Variants in PTPN22 observed in about 807,000 individuals in gnomAD.
PTPN22 encodes tyrosine-protein phosphatase non-receptor type 22.
In PTPN22, 85 loss-of-function variants were observed where a neutral mutation model predicts 103.3. The ratio of observed to expected loss-of-function variants is 0.82; its 90% CI spans 0.69 to 0.99. The LOEUF is 0.99. PTPN22 is among the 50% of genes least tolerant of loss of function. The pLI, the probability that PTPN22 is intolerant of heterozygous loss-of-function variation, is 0.00. For synonymous variants in PTPN22, 323 were observed against 310.2 expected (o/e 1.04, Z -0.43); for missense variants, 865 against 936.9 (o/e 0.92, Z 1.00).
At position 113,837,858 on chromosome 1, in the gene PTPN22, A is replaced by G. The variant is rs759503068; in HGVS notation, c.1542T>C (p.Asn514=). The G allele has an allele frequency of 5.6e-6, 9 of 1,614,168 alleles. No homozygotes were observed. In the South Asian group the frequency reaches 6.6e-5, roughly 12 times the overall value. The change falls in exon 13 of 21, where the codon AAT becomes AAC. Residue 514 remains asparagine (N), a synonymous_variant. Coordinates refer to ENST00000359785, the Ensembl canonical transcript of PTPN22. ...GAGCACTAGAGTCATGGTGCTTTACATTAGAGGCATTACGTATTTGGTGTT... is the reference window on the plus strand; with the variant it reads ...GAGCACTAGAGTCATGGTGCTTTACGTTAGAGGCATTACGTATTTGGTGTT...
At chr1:113,852,853 GAACT>G (rs759521500) in intron 9 of PTPN22, among the ~76,000 whole-genome samples, 1 of 152,196 alleles carries the variant, frequency 6.6e-6, no homozygotes, top group Non-Finnish European at 1.5e-5. Context: ...TATTTCACAA[GAACT>G]AACAGAAATC....
At chr1:113,858,960 A>T (rs777034617) in intron 3 of PTPN22, 42 bp downstream of exon 3, 40 of 1,592,556 alleles carry the variant, frequency 2.5e-5, no homozygotes, top group Non-Finnish European at 3.2e-5. Context: ...TTTTTTGGGT[A>T]TCTAGAGAAA....
At chr1:113,826,074 G>A (rs1435127875) in intron 18 of PTPN22, among the ~76,000 whole-genome samples, 1 of 151,998 alleles carries the variant, frequency 6.6e-6, no homozygotes, top group Non-Finnish European at 1.5e-5. Flanking sequence ...GTGCTGGCAA[G>A]GTGGCTCATG....
chr1:113,837,637 G>A, exon 13 of PTPN22: 3 of 1,602,764 alleles, frequency 1.9e-6, no homozygotes, highest in Non-Finnish European at 2.6e-6. Context: ...ATTGGTTGGA[G>A]AATTCAGTGA....
intron 13 of PTPN22, among the ~76,000 whole-genome samples, 157 bp downstream of exon 13, chr1:113,837,433 G>C (rs1486800953): frequency 1.4e-5 from 2 of 147,768 alleles, no homozygotes; most frequent in Non-Finnish European, 3.0e-5. Flanking sequence ...CTGGGTGACA[G>C]AGCGAGACTC....
In PTPN22 at chr1:113,834,413, A is replaced by G. The variant is rs146655207; in HGVS notation, c.1921T>C (p.Ser641Pro). 50 of 1,613,022 alleles carry G rather than the reference A, an allele frequency of 3.1e-5. No homozygotes were observed. The African/African-American group carries it at 6.1e-4, about 20-fold the overall frequency. ...TTTACCTTCACAGCTGAGGATAAGG[A>G]TTTGGGAACATTTGGTGAGAATTCT... Residue 641 changes from serine to proline, a missense_variant, in exon 15 of 21, where the codon TCC (serine) becomes CCC (proline). By Grantham distance (74) the Ser-to-Pro change is moderately conservative (BLOSUM62 -1). Coordinates refer to ENST00000359785, the Ensembl canonical transcript of PTPN22.
chr1:113,830,002 G>T lies in PTPN22; in HGVS notation c.2081C>A (p.Pro694Gln), dbSNP rs147233796. Residue 694 changes from proline (P) to glutamine (Q), a missense_variant, in exon 17 of 21, where the codon CCA (proline) becomes CAA (glutamine). Physicochemically the swap from Pro to Gln is moderately conservative, Grantham distance 76. This residue lies in a region of PTPN22 where 401 missense variants were observed against 388.6 expected (regional missense o/e 1.03). Transcript: ENST00000359785. ...TAGAGTTCTTTCTGGGAGAGGAGGT[G>T]GGGGAGAAGAACGATCTTGATGTAG... 5.0e-6 allele frequency: 8 copies of T among 1,606,598 alleles called. No individual in the cohort carries two copies. The highest frequency in any genetic ancestry group is 1.7e-5 in the Admixed American group (1 of 59,890).
At chr1:113,817,215 C>A (rs1661235977) in intron 20 of PTPN22, among the ~76,000 whole-genome samples, 1 of 152,168 alleles carries the variant, frequency 6.6e-6, no homozygotes, top group Non-Finnish European at 1.5e-5. Flanking sequence ...GAGATAAGGA[C>A]ATATGTTAGT....
intron 9 of PTPN22, among the ~76,000 whole-genome samples, chr1:113,853,859 C>CTTTTTTTTTT (rs894010114): frequency 1.6e-4 from 11 of 67,154 alleles, no homozygotes; most frequent in Non-Finnish European, 2.3e-4. Context: ...TTTTTTTTTG[C>CTTTTTTTTTT]TTTTTTTTTT....
chr1:113,819,377 A>G (rs1346199667), intron 20 of PTPN22, 200 bp downstream of exon 20: 4 of 324,056 alleles, frequency 1.2e-5, no homozygotes, highest in Non-Finnish European at 1.7e-5. Flanking sequence ...TATTTTCCAC[A>G]TATACTAGAT....
At chr1:113,829,888 T>C (rs755752105) in intron 17 of PTPN22, 61 bp downstream of exon 17, 1 of 1,445,506 alleles carries the variant, frequency 6.9e-7, no homozygotes, top group Non-Finnish European at 9.7e-7. Context: ...TCCTACTTTA[T>C]TGTTAATCTT....
At chr1:113,841,035 A>G (rs1039418046) in intron 11 of PTPN22, among the ~76,000 whole-genome samples, 1 of 152,104 alleles carries the variant, frequency 6.6e-6, no homozygotes, top group East Asian at 1.9e-4. Context: ...GACCAGCCTG[A>G]CCAACATGGA....
At chr1:113,822,104 A>G (rs1207736104) in intron 19 of PTPN22, among the ~76,000 whole-genome samples, 1 of 152,228 alleles carries the variant, frequency 6.6e-6, no homozygotes, top group Admixed American at 6.5e-5. Context: ...CCTGAGAGAC[A>G]TGAAATGAGA....
chr1:113,848,554 G>T, exon 11 of PTPN22: 6 of 1,613,304 alleles, frequency 3.7e-6, no homozygotes, highest in Non-Finnish European at 5.1e-6. Context: ...GTTCCAGAAT[G>T]TTTATCTCTG....
chr1:113,821,082 GAT>G (rs1454467432), intron 19 of PTPN22, among the ~76,000 whole-genome samples: 3 of 152,000 alleles, frequency 2.0e-5, no homozygotes, highest in Non-Finnish European at 4.4e-5. Flanking sequence ...AGGCACTGAA[GAT>G]AGAGACATTA....
At chr1:113,830,479 T>C (rs916101994) in intron 16 of PTPN22, among the ~76,000 whole-genome samples, 2 of 151,906 alleles carry the variant, frequency 1.3e-5, no homozygotes, top group Non-Finnish European at 2.9e-5. Context: ...AAAGAAAATA[T>C]TAAAAAAAGA....
At chr1:113,850,522 T>G (rs1664490411) in intron 10 of PTPN22, among the ~76,000 whole-genome samples, 1 of 152,234 alleles carries the variant, frequency 6.6e-6, no homozygotes, top group Admixed American at 6.5e-5. Context: ...CTAGGTTCCA[T>G]ACTTCTGGAA....
At chr1:113,844,697 T>C (rs1281544607) in intron 11 of PTPN22, among the ~76,000 whole-genome samples, 1 of 152,258 alleles carries the variant, frequency 6.6e-6, no homozygotes, top group Admixed American at 6.5e-5. Flanking sequence ...TCAGTGTGTT[T>C]CTTTATTTCC....
intron 7 of PTPN22, 40 bp from the exon 8 acceptor site, chr1:113,855,089 G>T: frequency 6.5e-7 from 1 of 1,547,906 alleles, no homozygotes; most frequent in Non-Finnish European, 8.9e-7. Context: ...GAGGGGCAAG[G>T]GCTGAAAAAC....
Sources: gnomAD v4.1 joint callset for allele counts (sites outside exome capture counted in the v4.1 genomes callset) on GRCh38, gnomAD v4.1.1 for gene constraint, gnomAD v4.1.1 regional missense constraint, MANE v1.5 for transcripts, NCBI Gene and HGNC (gene_info 2026-07-23, HGNC 2026-07-21) for gene names.